Variants in FSTL5 observed in about 807,000 individuals in gnomAD.
FSTL5 encodes the protein follistatin like 5.
In FSTL5, 62 loss-of-function variants were observed where a neutral mutation model predicts 89.1. The ratio of observed to expected loss-of-function variants is 0.70; its 90% CI spans 0.57 to 0.86. FSTL5 has a LOEUF of 0.86. Ranked by LOEUF, FSTL5 falls within the 40% of genes least tolerant of loss-of-function variation. The probability of loss-of-function intolerance (pLI) is 0.00; values close to 1 mark genes in which losing one functional copy is unlikely to be tolerated. For missense variants in FSTL5, 1,057 were observed against 1,001.6 expected, an observed-to-expected ratio of 1.06 and a Z score of -0.75; for synonymous variants, 383 against 346.2, an observed-to-expected ratio of 1.11 and a Z score of -1.18.
chr4:161,731,157 T>C lies in FSTL5; in HGVS notation c.727+28254A>G, dbSNP rs183982599. On this transcript the variant is annotated intron_variant, in intron 6 of 15. Coordinates refer to ENST00000306100, the MANE Select transcript of FSTL5 (RefSeq NM_020116.5). Reference sequence around the variant, plus strand: ...AACTGCACATATTTAAATGTATGAGTTGATGAATCTTGGTGTGTATACATA... The same window carrying C: ...AACTGCACATATTTAAATGTATGAGCTGATGAATCTTGGTGTGTATACATA... Among the ~76,000 whole-genome samples, 129 of 152,256 alleles carry C rather than the reference T, an allele frequency of 8.5e-4. 1 individual carries two copies. The highest frequency in any genetic ancestry group is 3.0e-3 in the African/African-American group (126 of 41,566).
intron 2 of FSTL5, among the ~76,000 whole-genome samples, chr4:162,064,000 C>T (rs995820024): frequency 6.6e-6 from 1 of 151,804 alleles, no homozygotes; most frequent in African/African-American, 2.4e-5. Flanking sequence ...ATACACTTTA[C>T]TCCTGTTTCT....
chr4:161,696,214 G>A (rs111711593), intron 6 of FSTL5, among the ~76,000 whole-genome samples: 1 of 152,088 alleles, frequency 6.6e-6, no homozygotes, highest in African/African-American at 2.4e-5. Context: ...GTTGAATAGG[G>A]TGTCCTTTCC....
chr4:161,956,787 C>T (rs569499068), intron 3 of FSTL5, among the ~76,000 whole-genome samples: 77 of 151,958 alleles, frequency 5.1e-4, no homozygotes, highest in African/African-American at 1.7e-3. Flanking sequence ...AACAGATTAG[C>T]TAAAACTTCA....
chr4:161,394,525 T>G (rs762939449), intron 15 of FSTL5, among the ~76,000 whole-genome samples: 14 of 152,168 alleles, frequency 9.2e-5, no homozygotes, highest in African/African-American at 2.4e-5. Context: ...TCTGTGTGCC[T>G]CAGCCTCCCA....
intron 4 of FSTL5, among the ~76,000 whole-genome samples, chr4:161,897,178 T>C (rs2110776336): frequency 6.6e-6 from 1 of 151,904 alleles, no homozygotes; most frequent in Admixed American, 6.6e-5. Context: ...ATACTGTTCA[T>C]GAAATAAAAA....
chr4:161,553,588 A>C (rs1217591728), intron 8 of FSTL5, among the ~76,000 whole-genome samples: 1 of 151,284 alleles, frequency 6.6e-6, no homozygotes, highest in Non-Finnish European at 1.5e-5. Context: ...GAAACTAGCC[A>C]AGTGGAGCAT....
At chr4:161,489,315 G>A (rs1005881920) in intron 12 of FSTL5, among the ~76,000 whole-genome samples, 6 of 152,074 alleles carry the variant, frequency 3.9e-5, no homozygotes, top group Non-Finnish European at 7.4e-5. Flanking sequence ...CTTAATGTCT[G>A]TTGGGAAAGG....
intron 7 of FSTL5, among the ~76,000 whole-genome samples, chr4:161,594,762 C>A (rs567274092): frequency 6.6e-6 from 1 of 151,922 alleles, no homozygotes; most frequent in Admixed American, 6.6e-5. Flanking sequence ...TTGAATAAAG[C>A]ATAGACCTTT....
intron 2 of FSTL5, among the ~76,000 whole-genome samples, chr4:162,064,457 C>T (rs538305745): frequency 5.5e-4 from 83 of 152,044 alleles, no homozygotes; most frequent in African/African-American, 1.9e-3. Flanking sequence ...CATAGACGGA[C>T]CTCATCCAAA....
intron 5 of FSTL5, among the ~76,000 whole-genome samples, chr4:161,773,528 G>A (rs1741284436): frequency 6.6e-6 from 1 of 152,036 alleles, no homozygotes; most frequent in Admixed American, 6.6e-5. Flanking sequence ...TCAAAAAGTG[G>A]GCTAAGGACA....
At chr4:161,995,333 CT>C (rs1418958814) in intron 3 of FSTL5, among the ~76,000 whole-genome samples, 1 of 152,030 alleles carries the variant, frequency 6.6e-6, no homozygotes, top group Non-Finnish European at 1.5e-5. Flanking sequence ...AATAAGAAAA[CT>C]GAGAAGTGCA....
At chr4:161,898,752 C>T (rs1427520699) in intron 4 of FSTL5, among the ~76,000 whole-genome samples, 18 of 151,342 alleles carry the variant, frequency 1.2e-4, no homozygotes. Flanking sequence ...GCCTCAGTCT[C>T]CCTAGTAGAT....
intron 6 of FSTL5, among the ~76,000 whole-genome samples, chr4:161,715,602 C>T (rs182624335): frequency 6.6e-6 from 1 of 152,194 alleles, no homozygotes; most frequent in African/African-American, 2.4e-5. Context: ...TTATAAGTTT[C>T]GAACTTATAA....
At chr4:161,386,676 G>T (rs1028141380) in intron 15 of FSTL5, 5 of 478,692 alleles carry the variant, frequency 1.0e-5, no homozygotes, top group African/African-American at 7.8e-5. Context: ...GCTGTAGAAA[G>T]AAAAATAATT....
At chr4:161,658,802 A>T (rs1031067878) in intron 6 of FSTL5, among the ~76,000 whole-genome samples, 8 of 152,208 alleles carry the variant, frequency 5.3e-5, no homozygotes, top group African/African-American at 1.9e-4. Context: ...TCCCATTTAC[A>T]TTCCTGAATT....
chr4:161,451,271 A>G (rs1407245330), intron 15 of FSTL5, among the ~76,000 whole-genome samples: 1 of 152,054 alleles, frequency 6.6e-6, no homozygotes, highest in African/African-American at 2.4e-5. Context: ...TTAAAGAAAA[A>G]TTTTTACTAA....
chr4:161,405,287 A>C (rs1241196699), intron 15 of FSTL5, among the ~76,000 whole-genome samples: 1 of 149,368 alleles, frequency 6.7e-6, no homozygotes, highest in Admixed American at 6.7e-5. Context: ...ACATGGATCA[A>C]AGAACAACAA....
intron 8 of FSTL5, among the ~76,000 whole-genome samples, chr4:161,566,067 C>T (rs1732789945): frequency 8.0e-6 from 1 of 124,690 alleles, no homozygotes; most frequent in Non-Finnish European, 1.7e-5. Context: ...TGCATTTGTG[C>T]CAACATCTAT....
chr4:162,049,001 G>T (rs867868115), intron 2 of FSTL5, among the ~76,000 whole-genome samples: 3 of 152,278 alleles, frequency 2.0e-5, no homozygotes, highest in South Asian at 4.1e-4. Context: ...AACTCTTGAA[G>T]TGGTATATTT....
Sources: allele counts gnomAD v4.1 joint callset (sites outside exome capture counted in the v4.1 genomes callset), GRCh38; gene constraint gnomAD v4.1.1; transcripts MANE v1.5; gene names NCBI Gene and HGNC (gene_info 2026-07-23, HGNC 2026-07-21).